NCOA1: variants seen among roughly 807,000 people sequenced by gnomAD.
The protein encoded by NCOA1 is nuclear receptor coactivator 1.
Under a neutral mutation model 150.9 loss-of-function variants are expected in NCOA1, and 35 were observed. The observed-to-expected ratio is 0.23, with a 90% CI of 0.18 to 0.31. The LOEUF is 0.31. Among genes scored for constraint, NCOA1 ranks in the 10% least tolerant of loss-of-function variants. The pLI is 1.00. For synonymous variants in NCOA1, 590 were observed against 630.0 expected (o/e 0.94, Z 0.95); for missense variants, 1,491 against 1,749.3 (o/e 0.85, Z 2.63).
chr2:24,545,150 G>A (rs891193998), intron 1 of NCOA1, among the ~76,000 whole-genome samples: 7 of 152,112 alleles, frequency 4.6e-5, no homozygotes, highest in Admixed American at 2.6e-4. Flanking sequence ...TCAGATCTTG[G>A]TTTCTAATAC....
chr2:24,644,883 A>G (rs2148464703), intron 4 of NCOA1, among the ~76,000 whole-genome samples: 1 of 152,362 alleles, frequency 6.6e-6, no homozygotes, highest in East Asian at 1.9e-4. Flanking sequence ...GTTAAGAAGT[A>G]GAACAATACC....
chr2:24,733,382 A>G (rs1038780505), intron 17 of NCOA1, among the ~76,000 whole-genome samples: 7 of 152,234 alleles, frequency 4.6e-5, no homozygotes, highest in Admixed American at 4.6e-4. Context: ...ATTTTGAAAT[A>G]CAAAAAAAGC....
chr2:24,693,307 T>G lies in NCOA1; in HGVS notation c.768T>G (p.Ile256Met). 2 of 1,614,232 alleles carry G rather than the reference T, an allele frequency of 1.2e-6. No homozygotes were observed. The highest frequency in any genetic ancestry group is 1.7e-5 in the Admixed American group (1 of 60,026). ...GGCGATTACCTCGGCCTCCAGCTAT[T>G]ACGGGTGTAGAATCCTTTATGACCA... ...IARRLPRPPA[I>M]TGVESFMTKQ... is the part of the protein sequence containing the mutation. Residue 256 changes from isoleucine (I) to methionine (M), a missense_variant, in exon 10 of 23, where the codon ATT (isoleucine) becomes ATG (methionine). Ile to Met is a conservative substitution (Grantham distance 10). Coordinates refer to ENST00000348332, the MANE Select transcript of NCOA1 (RefSeq NM_003743.5).
intron 8 of NCOA1, among the ~76,000 whole-genome samples, chr2:24,686,887 T>C (rs1672428337): frequency 6.6e-6 from 1 of 152,200 alleles, no homozygotes; most frequent in Non-Finnish European, 1.5e-5. Context: ...GACATGTAAA[T>C]TATTACCAGA....
At chr2:24,738,055 T>C (rs1663414909) in intron 17 of NCOA1, among the ~76,000 whole-genome samples, 1 of 152,128 alleles carries the variant, frequency 6.6e-6, no homozygotes, top group Non-Finnish European at 1.5e-5. Context: ...TTTTAACTTA[T>C]TCCACAATGC....
intron 1 of NCOA1, among the ~76,000 whole-genome samples, chr2:24,529,598 A>G (rs914147954): frequency 6.6e-6 from 1 of 152,142 alleles, no homozygotes; most frequent in Non-Finnish European, 1.5e-5. Flanking sequence ...TGGCCTCTTA[A>G]AGTGATGGGC....
At chr2:24,500,191 C>G (rs1321485701) in intron 1 of NCOA1, among the ~76,000 whole-genome samples, 3 of 152,142 alleles carry the variant, frequency 2.0e-5, no homozygotes, top group Non-Finnish European at 2.9e-5. Context: ...TCACTGCAAC[C>G]TCCACCTCCC....
intron 4 of NCOA1, among the ~76,000 whole-genome samples, chr2:24,650,873 A>G (rs56004971): frequency 0.017 from 2,634 of 152,282 alleles, 36 homozygotes; most frequent in Middle Eastern, 0.054. Flanking sequence ...GGATTTTAGA[A>G]TATTTGCATT....
chr2:24,709,078 T>C (rs1168178821), intron 13 of NCOA1, among the ~76,000 whole-genome samples: 1 of 152,208 alleles, frequency 6.6e-6, no homozygotes, highest in Non-Finnish European at 1.5e-5. Context: ...TGTGTGTTCT[T>C]TGAGGATAAG....
At chr2:24,705,505 A>G (rs1377513998) in intron 12 of NCOA1, among the ~76,000 whole-genome samples, 2 of 152,178 alleles carry the variant, frequency 1.3e-5, no homozygotes, top group Non-Finnish European at 2.9e-5. Flanking sequence ...AATTTACAAC[A>G]TTCCATATGT....
intron 1 of NCOA1, among the ~76,000 whole-genome samples, chr2:24,553,364 G>A (rs1665945019): frequency 1.3e-5 from 2 of 151,882 alleles, no homozygotes; most frequent in African/African-American, 4.8e-5. Context: ...GATTACAGGT[G>A]TGCGCCACTA....
chr2:24,713,582 T>G (rs1278060801), intron 14 of NCOA1, among the ~76,000 whole-genome samples: 1 of 152,176 alleles, frequency 6.6e-6, no homozygotes, highest in Non-Finnish European at 1.5e-5. Flanking sequence ...CAGCAATAAT[T>G]GGCACTGGTC....
At chr2:24,541,863 T>C (rs1004530753) in intron 1 of NCOA1, among the ~76,000 whole-genome samples, 2 of 152,196 alleles carry the variant, frequency 1.3e-5, no homozygotes, top group Non-Finnish European at 2.9e-5. Flanking sequence ...GAAATAGTTA[T>C]GACACTGCAT....
intron 1 of NCOA1, among the ~76,000 whole-genome samples, chr2:24,496,471 C>T (rs554378880): frequency 6.6e-6 from 1 of 152,142 alleles, no homozygotes; most frequent in Non-Finnish European, 1.5e-5. Context: ...TTTATGTTCT[C>T]GTGACCTTCA....
At chr2:24,589,005 A>G (rs1468771636) in intron 3 of NCOA1, among the ~76,000 whole-genome samples, 3 of 152,176 alleles carry the variant, frequency 2.0e-5, no homozygotes, top group Admixed American at 6.5e-5. Context: ...GGTCTTATCC[A>G]ATAATTTAAA....
At chr2:24,508,355 T>C (rs1663791225) in intron 1 of NCOA1, among the ~76,000 whole-genome samples, 1 of 152,166 alleles carries the variant, frequency 6.6e-6, no homozygotes, top group Non-Finnish European at 1.5e-5. Context: ...GGTTATAGCA[T>C]AGGCAGAGTA....
At chr2:24,516,100 G>T (rs910937777) in intron 1 of NCOA1, among the ~76,000 whole-genome samples, 1 of 150,896 alleles carries the variant, frequency 6.6e-6, no homozygotes, top group Non-Finnish European at 1.5e-5. Flanking sequence ...ACTGAGCCTT[G>T]CTCTGCATGT....
chr2:24,577,587 CT>C (rs1667044035), intron 2 of NCOA1, among the ~76,000 whole-genome samples: 1 of 152,108 alleles, frequency 6.6e-6, no homozygotes, highest in African/African-American at 2.4e-5. Context: ...AACTGCTTTT[CT>C]TTTTGGTTGA....
intron 3 of NCOA1, among the ~76,000 whole-genome samples, chr2:24,643,334 CCTTT>C (rs1014306011): frequency 3.9e-5 from 6 of 152,142 alleles, no homozygotes; most frequent in Admixed American, 2.6e-4. Flanking sequence ...CAGTGTAATT[CCTTT>C]CTTTCAATGA....
Sources: allele counts gnomAD v4.1 joint callset (sites outside exome capture counted in the v4.1 genomes callset), GRCh38; gene constraint gnomAD v4.1.1; transcripts MANE v1.5; gene names NCBI Gene and HGNC (gene_info 2026-07-23, HGNC 2026-07-21).